NSD1: variants seen among roughly 807,000 people sequenced by gnomAD.
NSD1 encodes the protein nuclear receptor binding SET domain protein 1, also known as histone-lysine N-methyltransferase, H3 lysine-36 specific.
A neutral mutation model predicts 242.7 loss-of-function variants in NSD1; 26 were observed. That is an observed-to-expected ratio of 0.11 (90% CI 0.08 to 0.15). NSD1 has a LOEUF of 0.15. NSD1 is among the 10% of genes least tolerant of loss of function. NSD1 has a pLI of 1.00. For missense variants in NSD1, 2,495 were observed against 3,272.8 expected (o/e 0.76, Z 5.80); for synonymous variants, 1,106 against 1,178.1 (o/e 0.94, Z 1.25).
intron 17 of NSD1, 151 bp from the exon 18 acceptor site, chr5:177,280,414 G>A (rs1042706275): frequency 1.1e-5 from 9 of 852,404 alleles, no homozygotes; most frequent in Non-Finnish European, 1.7e-5. Context: ...TGTCAAGTGA[G>A]GCTCTGTTTT....
chr5:177,191,751 A>G, intron 2 of NSD1, 133 bp from the exon 3 acceptor site: 1 of 861,804 alleles, frequency 1.2e-6, no homozygotes, highest in Non-Finnish European at 1.9e-6. Flanking sequence ...CTTATTTTGT[A>G]ATTCTTTTTA....
chr5:177,260,210 A>G, intron 14 of NSD1, 42 bp downstream of exon 14: 1 of 1,574,970 alleles, frequency 6.3e-7, no homozygotes, highest in Non-Finnish European at 8.7e-7. Flanking sequence ...CTAAAAAGGG[A>G]TTAAATCAAT....
At chr5:177,200,428 C>A (rs1396753831) in intron 3 of NSD1, among the ~76,000 whole-genome samples, 1 of 152,142 alleles carries the variant, frequency 6.6e-6, no homozygotes, top group African/African-American at 2.4e-5. Context: ...AGTCACCTTT[C>A]CTCGCCTAAT....
chr5:177,250,841 C>G (rs562833452), intron 11 of NSD1, among the ~76,000 whole-genome samples: 10 of 152,148 alleles, frequency 6.6e-5, no homozygotes, highest in Non-Finnish European at 1.5e-4. Flanking sequence ...GTTCTTGAAG[C>G]TAAAACTTAC....
Position 177,247,740 on chromosome 5 carries a change from T to C in NSD1, c.4498-441T>C, listed in dbSNP as rs535333123. Reference sequence around the variant, plus strand: ...AGCATCAGTGCAATCATTGATATTATCTTCGGGTTTCCAACTCAGGTTAAA... The same window carrying C: ...AGCATCAGTGCAATCATTGATATTACCTTCGGGTTTCCAACTCAGGTTAAA... On this transcript the variant is annotated intron_variant, in intron 10 of 22. Coordinates refer to ENST00000439151, the MANE Select transcript of NSD1 (RefSeq NM_022455.5). Among the ~76,000 whole-genome samples, 7 of 152,320 alleles carry C rather than the reference T, an allele frequency of 4.6e-5. No homozygotes were observed. In the South Asian group the frequency reaches 1.4e-3, roughly 32 times the overall value.
chr5:177,153,790 G>A (rs140047867), intron 2 of NSD1, among the ~76,000 whole-genome samples: 2 of 152,106 alleles, frequency 1.3e-5, no homozygotes, highest in East Asian at 3.9e-4. Flanking sequence ...ATTTAATAGG[G>A]GTTTTAATAT....
At chr5:177,260,254 T>C in intron 14 of NSD1, 86 bp downstream of exon 14, 3 of 1,274,924 alleles carry the variant, frequency 2.4e-6, no homozygotes, top group Non-Finnish European at 3.3e-6. Context: ...TTTCATCATA[T>C]TGCCACTGGA....
intron 5 of NSD1, among the ~76,000 whole-genome samples, chr5:177,214,045 T>C (rs566286521): frequency 1.3e-5 from 2 of 152,108 alleles, no homozygotes; most frequent in Admixed American, 6.5e-5. Flanking sequence ...TTTAACGGTA[T>C]TTACGGCCAG....
chr5:177,251,507 A>G (rs558622652), intron 11 of NSD1, among the ~76,000 whole-genome samples: 1 of 152,318 alleles, frequency 6.6e-6, no homozygotes, highest in Admixed American at 6.5e-5. Flanking sequence ...CAGTCAGAAC[A>G]GTCTTTTTAA....
intron 22 of NSD1, among the ~76,000 whole-genome samples, 160 bp downstream of exon 22, chr5:177,292,318 A>C (rs1432667143): frequency 6.6e-6 from 1 of 152,164 alleles, no homozygotes; most frequent in Non-Finnish European, 1.5e-5. Context: ...ATGAAAGCAA[A>C]GGCTTAGAAT....
chr5:177,187,444 A>G (rs1761329204), intron 2 of NSD1, among the ~76,000 whole-genome samples: 1 of 152,148 alleles, frequency 6.6e-6, no homozygotes, highest in African/African-American at 2.4e-5. Flanking sequence ...CTTTATCTGC[A>G]AAATCGAGAT....
chr5:177,156,789 T>G (rs1311241970), intron 2 of NSD1, among the ~76,000 whole-genome samples: 1 of 152,070 alleles, frequency 6.6e-6, no homozygotes, highest in Non-Finnish European at 1.5e-5. Flanking sequence ...TCCCAGCACT[T>G]TGGGAGGCTG....
intron 15 of NSD1, among the ~76,000 whole-genome samples, chr5:177,268,039 A>T (rs895980227): frequency 6.6e-6 from 1 of 150,498 alleles, no homozygotes; most frequent in Non-Finnish European, 1.5e-5. Context: ...GTACTCCCAG[A>T]CGTACCAATA....
chr5:177,258,833 G>A (rs947942243), intron 13 of NSD1, among the ~76,000 whole-genome samples: 4 of 152,112 alleles, frequency 2.6e-5, no homozygotes, highest in African/African-American at 9.7e-5. Flanking sequence ...ACTGCACCCA[G>A]CATGTGTTTT....
At chr5:177,157,818 T>G (rs887159374) in intron 2 of NSD1, among the ~76,000 whole-genome samples, 2 of 152,242 alleles carry the variant, frequency 1.3e-5, no homozygotes, top group Non-Finnish European at 2.9e-5. Context: ...TTCTATGTAT[T>G]TGCCTATTCT....
chr5:177,204,548 C>T (rs763942320), intron 4 of NSD1, among the ~76,000 whole-genome samples: 7 of 152,070 alleles, frequency 4.6e-5, no homozygotes, highest in Non-Finnish European at 8.8e-5. Flanking sequence ...GACAGGATTT[C>T]GCCATGTTGG....
intron 12 of NSD1, among the ~76,000 whole-genome samples, chr5:177,254,588 C>T (rs1348134722): frequency 3.3e-5 from 5 of 151,952 alleles, no homozygotes; most frequent in Admixed American, 2.0e-4. Flanking sequence ...TTAGTAGAGA[C>T]GAGGTTTCAC....
At chr5:177,289,060 C>T (rs1212394760) in intron 21 of NSD1, 135 bp downstream of exon 21, 4 of 720,610 alleles carry the variant, frequency 5.6e-6, no homozygotes, top group Non-Finnish European at 9.8e-6. Flanking sequence ...TGGCTCATGC[C>T]TGTAATCCCA....
intron 13 of NSD1, among the ~76,000 whole-genome samples, chr5:177,258,859 T>C (rs1034812692): frequency 2.6e-5 from 4 of 151,878 alleles, no homozygotes; most frequent in Non-Finnish European, 5.9e-5. Context: ...TTGTTTTGTT[T>C]TGTTTTAAAA....
Sources: allele counts gnomAD v4.1 joint callset (sites outside exome capture counted in the v4.1 genomes callset), GRCh38; gene constraint gnomAD v4.1.1; transcripts MANE v1.5; gene names NCBI Gene and HGNC (gene_info 2026-07-23, HGNC 2026-07-21).